Variants in ZNF883 observed in about 807,000 individuals in gnomAD.
ZNF883 encodes zinc finger protein 883.
downstream of ZNF883, among the ~76,000 whole-genome samples, chr9:112,994,532 T>C (rs1181358929): frequency 2.0e-5 from 3 of 152,182 alleles, no homozygotes; most frequent in Non-Finnish European, 2.9e-5. Context: ...TCAATTAAAT[T>C]TACAAATCAG....
At chr9:113,002,361 A>G (rs1828433858), upstream of ZNF883, among the ~76,000 whole-genome samples, 1 of 152,146 alleles carries the variant, frequency 6.6e-6, no homozygotes, top group South Asian at 2.1e-4. Context: ...GCCTAAGGAG[A>G]AAATATAACT....
At chr9:113,007,046 T>C (rs950659850) in intron 2 of ZNF883, among the ~76,000 whole-genome samples, 1 of 152,052 alleles carries the variant, frequency 6.6e-6, no homozygotes, top group Non-Finnish European at 1.5e-5. Context: ...ATACAAAAAT[T>C]AGCCGGGCGT....
At chr9:112,988,387 AAC>A (rs1410696489) in intron 1 of ZNF883, among the ~76,000 whole-genome samples, 1 of 152,156 alleles carries the variant, frequency 6.6e-6, no homozygotes. Flanking sequence ...TATAAGTGAG[AAC>A]ACACAGTGTT....
chr9:112,997,072 CA>C, downstream of ZNF883: 5 of 1,486,292 alleles, frequency 3.4e-6, no homozygotes, highest in Non-Finnish European at 4.5e-6. Context: ...TGTGAGTGCT[CA>C]GGTGTAAACA....
exon 1 of ZNF883, chr9:112,998,249 TCA>T (rs1828385426): frequency 6.3e-7 from 1 of 1,593,198 alleles, no homozygotes. Context: ...ATAAATTTTC[TCA>T]GATTCCATCA....
exon 1 of ZNF883, chr9:112,997,497 G>A (rs1828374196): frequency 6.2e-7 from 1 of 1,614,142 alleles, no homozygotes; most frequent in Non-Finnish European, 8.5e-7. Context: ...GTTCTCTGGT[G>A]TTCAGTAAGA....
chr9:113,009,102 C>T (rs1828505858), intron 2 of ZNF883, among the ~76,000 whole-genome samples: 2 of 152,168 alleles, frequency 1.3e-5, no homozygotes, highest in African/African-American at 4.8e-5. Context: ...ATACTCTATT[C>T]TCAACAGAGC....
At chr9:113,006,289 G>A (rs1309959196) in intron 2 of ZNF883, among the ~76,000 whole-genome samples, 1 of 151,974 alleles carries the variant, frequency 6.6e-6, no homozygotes, top group Non-Finnish European at 1.5e-5. Context: ...GAAACCCCCA[G>A]TTCCAGGAGC....
chr9:112,996,694 G>A (rs1157199223), downstream of ZNF883, among the ~76,000 whole-genome samples: 3 of 148,366 alleles, frequency 2.0e-5, no homozygotes, highest in Non-Finnish European at 4.5e-5. Flanking sequence ...GGGAGGCTGA[G>A]GCAGGAGAAT....
chr9:113,003,683 A>AAATACAGAGAAATATGT (rs1828448554), intron 2 of ZNF883, among the ~76,000 whole-genome samples: 1 of 152,178 alleles, frequency 6.6e-6, no homozygotes. Context: ...AACCATAAGC[A>AAATACAGAGAAATATGT]AGCTAAATAC....
downstream of ZNF883, among the ~76,000 whole-genome samples, chr9:112,994,065 A>AATCTG (rs1022876856): frequency 5.3e-5 from 8 of 151,986 alleles, no homozygotes; most frequent in Non-Finnish European, 8.8e-5. Context: ...GGCTGCTGAG[A>AATCTG]ATCTGCACAG....
intron 2 of ZNF883, among the ~76,000 whole-genome samples, chr9:113,003,580 CAAAAAA>C (rs201780460): frequency 1.9e-5 from 2 of 103,862 alleles, no homozygotes; most frequent in Admixed American, 1.0e-4. Flanking sequence ...AGTGGAGTCT[CAAAAAA>C]AAAAAAAAGA....
At chr9:113,005,422 A>G (rs943493111) in intron 2 of ZNF883, among the ~76,000 whole-genome samples, 2 of 152,238 alleles carry the variant, frequency 1.3e-5, no homozygotes, top group African/African-American at 4.8e-5. Context: ...AAGATTTTCA[A>G]GCTCACTTCT....
downstream of ZNF883, among the ~76,000 whole-genome samples, chr9:112,992,804 G>A (rs950626504): frequency 8.6e-5 from 13 of 151,948 alleles, no homozygotes; most frequent in South Asian, 1.0e-3. Context: ...TTGTCTGCCC[G>A]TCTTATTTCA....
At chr9:112,997,171 G>A (rs746134968) in exon 1 of ZNF883, 1 of 1,612,356 alleles carries the variant, frequency 6.2e-7, no homozygotes, top group Non-Finnish European at 8.5e-7. Context: ...GTCGAATTAA[G>A]GATGTACTAT....
intron 2 of ZNF883, among the ~76,000 whole-genome samples, chr9:113,010,327 T>A (rs1828519903): frequency 6.6e-6 from 1 of 152,232 alleles, no homozygotes; most frequent in African/African-American, 2.4e-5. Context: ...TATCTAAAGG[T>A]AAGAGTGAGA....
chr9:112,997,837 A>T, exon 1 of ZNF883: 1 of 1,612,990 alleles, frequency 6.2e-7, no homozygotes, highest in East Asian at 2.2e-5. Flanking sequence ...TATGATGTTG[A>T]GTAAGGGCAG....
intron 2 of ZNF883, among the ~76,000 whole-genome samples, chr9:113,004,587 G>T (rs1247373178): frequency 1.3e-5 from 2 of 151,776 alleles, no homozygotes; most frequent in African/African-American, 2.4e-5. Flanking sequence ...ACAATAAGAT[G>T]GCCATCTGTA....
chr9:112,997,785 CACATTCAGT>C (rs1828378174), exon 1 of ZNF883: 1 of 1,613,522 alleles, frequency 6.2e-7, no homozygotes. Flanking sequence ...AAGGTTTTTC[CACATTCAGT>C]ACATTCATAT....
Sources: allele counts gnomAD v4.1 joint callset (sites outside exome capture counted in the v4.1 genomes callset), GRCh38; gene constraint gnomAD v4.1.1; transcripts MANE v1.5; gene names NCBI Gene and HGNC (gene_info 2026-07-23, HGNC 2026-07-21).